FHIT: variants seen among roughly 807,000 people sequenced by gnomAD.
The protein encoded by FHIT is fragile histidine triad diadenosine triphosphatase, also known as bis(5'-adenosyl)-triphosphatase.
Under a neutral mutation model 17.9 loss-of-function variants are expected in FHIT, and 19 were observed. The observed-to-expected ratio is 1.06, with a 90% CI of 0.74 to 1.56. The LOEUF (loss-of-function observed/expected upper bound fraction) is 1.56. FHIT is among the 40% of genes most tolerant of loss of function. FHIT has a pLI of 0.00. For synonymous variants in FHIT, 81 were observed against 69.7 expected (o/e 1.16, Z -0.81); for missense variants, 248 against 189.2 (o/e 1.31, Z -1.82).
chr3:61,230,133 A>G (rs893746580), intron 1 of FHIT, among the ~76,000 whole-genome samples: 2 of 152,210 alleles, frequency 1.3e-5, no homozygotes, highest in African/African-American at 4.8e-5. Context: ...CCAAGACACA[A>G]TGAGAAAGAC....
intron 5 of FHIT, among the ~76,000 whole-genome samples, chr3:60,149,794 C>A (rs1037440732): frequency 6.6e-6 from 1 of 151,574 alleles, no homozygotes; most frequent in Non-Finnish European, 1.5e-5. Context: ...CCCCTACCCC[C>A]CTACCCATAG....
At chr3:60,356,957 T>C (rs974029933) in intron 5 of FHIT, among the ~76,000 whole-genome samples, 3 of 152,096 alleles carry the variant, frequency 2.0e-5, no homozygotes, top group Admixed American at 6.6e-5. Context: ...AAACAACTAG[T>C]GAAATCAGCA....
intron 1 of FHIT, among the ~76,000 whole-genome samples, chr3:61,249,117 A>G (rs2040552399): frequency 6.6e-6 from 1 of 152,200 alleles, no homozygotes; most frequent in Non-Finnish European, 1.5e-5. Context: ...TGGCCTTGAA[A>G]GAGCAAATTA....
chr3:60,195,573 A>ATTT (rs1329216902), intron 5 of FHIT, among the ~76,000 whole-genome samples: 1 of 103,452 alleles, frequency 9.7e-6, no homozygotes, highest in African/African-American at 2.9e-5. Context: ...ATATTTATAT[A>ATTT]ATTATATTTA....
In FHIT at chr3:60,674,053, C is replaced by T. The variant is rs571221893; in HGVS notation, c.-17-137074G>A. Among the ~76,000 whole-genome samples, 16 of 152,068 alleles carry T rather than the reference C, an allele frequency of 1.1e-4. No individual in the cohort carries two copies. In the South Asian group the frequency reaches 2.1e-3, roughly 20 times the overall value. ...CAAATTGTACAAATGTTAGACTTCT[C>T]GCTTTTGCCCCACAGATCACTGAAG... is the stretch of plus-strand genomic sequence containing the variant. On this transcript the variant is annotated intron_variant, in intron 4 of 9. Transcript: ENST00000492590.
intron 5 of FHIT, among the ~76,000 whole-genome samples, chr3:60,154,279 A>G (rs114224338): frequency 1.3e-5 from 2 of 152,284 alleles, no homozygotes; most frequent in African/African-American, 4.8e-5. Flanking sequence ...TCCTTCCTTG[A>G]CCTACACATG....
intron 8 of FHIT, among the ~76,000 whole-genome samples, chr3:59,792,095 G>T (rs1283814562): frequency 1.3e-5 from 2 of 151,354 alleles, no homozygotes; most frequent in African/African-American, 4.8e-5. Flanking sequence ...TCATGGCTAT[G>T]GTATTCTGTG....
intron 3 of FHIT, among the ~76,000 whole-genome samples, chr3:60,956,264 G>A (rs1553778831): frequency 6.6e-6 from 1 of 152,170 alleles, no homozygotes; most frequent in African/African-American, 2.4e-5. Context: ...CCAACCTGAA[G>A]TGTTCAAGTA....
chr3:61,178,550 G>T (rs4688311), intron 2 of FHIT, among the ~76,000 whole-genome samples: 7,675 of 29,496 alleles, frequency 0.26, 235 homozygotes, highest in Admixed American at 0.38. Flanking sequence ...AGAAAAAAAC[G>T]TTGTAATTAT....
At chr3:60,477,230 T>C (rs891046482) in intron 5 of FHIT, among the ~76,000 whole-genome samples, 5 of 152,048 alleles carry the variant, frequency 3.3e-5, no homozygotes, top group Non-Finnish European at 1.5e-5. Flanking sequence ...CTTATTCTAA[T>C]GCAATTTCCT....
intron 4 of FHIT, among the ~76,000 whole-genome samples, chr3:60,593,595 C>T (rs2038162680): frequency 6.6e-6 from 1 of 152,100 alleles, no homozygotes; most frequent in South Asian, 2.1e-4. Context: ...AGAAAATATT[C>T]TTGGAGTATG....
At chr3:61,091,367 T>C (rs964352914) in intron 2 of FHIT, among the ~76,000 whole-genome samples, 2 of 152,304 alleles carry the variant, frequency 1.3e-5, no homozygotes, top group Middle Eastern at 3.4e-3. Flanking sequence ...GCAAGACACG[T>C]AACCTTCCTA....
intron 5 of FHIT, among the ~76,000 whole-genome samples, chr3:60,362,364 T>C (rs1027339065): frequency 1.3e-5 from 2 of 152,226 alleles, no homozygotes; most frequent in Non-Finnish European, 2.9e-5. Flanking sequence ...TAAAAGCTTA[T>C]CAAACATGAA....
intron 4 of FHIT, among the ~76,000 whole-genome samples, chr3:60,567,905 G>C (rs1162646656): frequency 6.6e-6 from 1 of 152,212 alleles, no homozygotes; most frequent in Non-Finnish European, 1.5e-5. Context: ...AATCCGCAAT[G>C]AGATACCATC....
chr3:60,761,618 CTTTTT>C (rs71629113), intron 4 of FHIT, among the ~76,000 whole-genome samples: 1 of 128,710 alleles, frequency 7.8e-6, no homozygotes, highest in Non-Finnish European at 1.7e-5. Flanking sequence ...TCTTCCATGT[CTTTTT>C]TTTTTTTTTT....
chr3:60,112,050 G>C (rs912177492), intron 5 of FHIT, among the ~76,000 whole-genome samples: 7 of 152,312 alleles, frequency 4.6e-5, no homozygotes, highest in African/African-American at 1.4e-4. Flanking sequence ...ACTAAGATAA[G>C]TGGCTCAGTG....
intron 2 of FHIT, among the ~76,000 whole-genome samples, chr3:61,177,515 T>C (rs571511161): frequency 6.6e-6 from 1 of 152,314 alleles, no homozygotes; most frequent in African/African-American, 2.4e-5. Context: ...TTTCATTATG[T>C]ATTTTCCAAT....
At chr3:60,879,880 A>G (rs2107120189) in intron 3 of FHIT, among the ~76,000 whole-genome samples, 1 of 152,058 alleles carries the variant, frequency 6.6e-6, no homozygotes, top group African/African-American at 2.4e-5. Context: ...TTTAAAAAAG[A>G]CTACAAGACT....
chr3:59,964,350 A>G (rs943940329), intron 7 of FHIT, among the ~76,000 whole-genome samples: 1 of 152,132 alleles, frequency 6.6e-6, no homozygotes, highest in Non-Finnish European at 1.5e-5. Context: ...CCCCATGAAC[A>G]ATGGGCTGCG....
Sources: gnomAD v4.1 joint callset for allele counts (sites outside exome capture counted in the v4.1 genomes callset) on GRCh38, gnomAD v4.1.1 for gene constraint, MANE v1.5 for transcripts, NCBI Gene and HGNC (gene_info 2026-07-23, HGNC 2026-07-21) for gene names.